Variants in DDX46 observed in about 807,000 individuals in gnomAD.
DDX46 encodes probable ATP-dependent RNA helicase DDX46.
DDX46 carries 30 observed loss-of-function variants against 134.9 expected under a neutral mutation model. That is an observed-to-expected ratio of 0.22 (90% CI 0.17 to 0.30). DDX46 has a LOEUF of 0.30. Ranked by LOEUF, DDX46 falls within the 10% of genes least tolerant of loss-of-function variation. DDX46 has a pLI of 1.00. For synonymous variants in DDX46, 415 were observed against 404.1 expected, an observed-to-expected ratio of 1.03 and a Z score of -0.32; for missense variants, 622 against 1,248.7, an observed-to-expected ratio of 0.50 and a Z score of 7.56.
At chr5:134,760,148 G>A (rs35469563) in intron 1 of DDX46, among the ~76,000 whole-genome samples, 1,628 of 152,250 alleles carry the variant, frequency 0.011, 15 homozygotes, top group Middle Eastern at 0.054. Flanking sequence ...TAAGATGATG[G>A]CATGCCCCTG....
intron 16 of DDX46, among the ~76,000 whole-genome samples, chr5:134,809,162 A>G (rs1201990938): frequency 4.6e-5 from 7 of 152,150 alleles, no homozygotes; most frequent in Admixed American, 2.0e-4. Flanking sequence ...GGAGTCAAGA[A>G]TATTTTTTTG....
At chr5:134,774,026 G>T (rs915377922) in intron 5 of DDX46, among the ~76,000 whole-genome samples, 165 bp downstream of exon 5, 1 of 152,060 alleles carries the variant, frequency 6.6e-6, no homozygotes, top group Non-Finnish European at 1.5e-5. Context: ...AAATACATTT[G>T]CAGTGTTGTG....
chr5:134,804,476 C>T (rs866356146), intron 15 of DDX46, among the ~76,000 whole-genome samples: 6 of 152,044 alleles, frequency 3.9e-5, no homozygotes, highest in Non-Finnish European at 7.4e-5. Context: ...TTTACTCTGT[C>T]GCCCAAGGTG....
rs1755671331 is a variant in DDX46, at chr5:134,829,206, T to C, written c.*500T>C. 6.6e-6 allele frequency: 1 copy of C among 152,326 alleles called. No individual in the cohort carries two copies. The highest frequency in any genetic ancestry group is 2.4e-5 in the African/African-American group (1 of 41,572). 9.4% of individuals were successfully genotyped at this position (152,326 alleles called of 1,614,324 possible). On this transcript the variant is annotated 3_prime_UTR_variant, in exon 23 of 23. Coordinates refer to ENST00000452510, the MANE Select transcript of DDX46 (RefSeq NM_001300860.2). ...ATAATAGAAGTCTTACAAAATGGGT[T>C]GAGAGTTTTTGTTTCAATTTTTATC...
At chr5:134,772,092 G>GT (rs1399163590) in intron 4 of DDX46, among the ~76,000 whole-genome samples, 1 of 152,114 alleles carries the variant, frequency 6.6e-6, no homozygotes, top group Admixed American at 6.6e-5. Flanking sequence ...TTAGCCAGGC[G>GT]TGATGGCGCA....
At chr5:134,794,706 T>C in intron 13 of DDX46, 144 bp from the exon 14 acceptor site, 1 of 967,656 alleles carries the variant, frequency 1.0e-6, no homozygotes, top group Non-Finnish European at 1.5e-6. Flanking sequence ...TGTGTGGAGT[T>C]GTCATTTCTT....
At position 134,758,892 on chromosome 5, in the gene DDX46, G is replaced by C. The variant is rs1231132468; in HGVS notation, c.-47G>C. The C allele has an allele frequency of 2.5e-6, 4 of 1,613,682 alleles. No homozygotes were observed. Among genetic ancestry groups the C allele is most frequent in the African/African-American group, 1.3e-5 (1 of 75,040 alleles). ...CTCAGCCTCCTTGTTTGTCCGGTTCGCCTGTGCGTGGTACTCAAGGGCACC... is the reference window on the plus strand; with the variant it reads ...CTCAGCCTCCTTGTTTGTCCGGTTCCCCTGTGCGTGGTACTCAAGGGCACC... On this transcript the variant is annotated 5_prime_UTR_variant, in exon 1 of 23. Coordinates refer to ENST00000452510, the MANE Select transcript of DDX46 (RefSeq NM_001300860.2).
At chr5:134,800,740 A>G (rs1754801003) in intron 15 of DDX46, among the ~76,000 whole-genome samples, 1 of 152,168 alleles carries the variant, frequency 6.6e-6, no homozygotes, top group East Asian at 1.9e-4. Context: ...CAATGATGCC[A>G]TCTCGGCTCA....
intron 13 of DDX46, among the ~76,000 whole-genome samples, chr5:134,792,006 G>A (rs1229937378): frequency 2.0e-5 from 3 of 151,980 alleles, no homozygotes; most frequent in South Asian, 2.1e-4. Flanking sequence ...GTGAAACCCC[G>A]TTTCTACTAA....
intron 2 of DDX46, among the ~76,000 whole-genome samples, chr5:134,765,679 T>C (rs922152845): frequency 6.6e-6 from 1 of 152,056 alleles, no homozygotes; most frequent in African/African-American, 2.4e-5. Flanking sequence ...ACTACAGGTA[T>C]GAGATACCAT....
At chr5:134,814,400 T>C (rs186059308) in intron 18 of DDX46, among the ~76,000 whole-genome samples, 3 of 152,318 alleles carry the variant, frequency 2.0e-5, no homozygotes, top group Admixed American at 1.3e-4. Flanking sequence ...TATATAATTT[T>C]ATGAAAAATG....
At chr5:134,761,349 G>C (rs1043484870) in intron 1 of DDX46, among the ~76,000 whole-genome samples, 7 of 152,144 alleles carry the variant, frequency 4.6e-5, no homozygotes, top group African/African-American at 1.7e-4. Context: ...TTATTGTATC[G>C]AATGAGAGCA....
Position 134,758,793 on chromosome 5 carries a change from C to A in DDX46, c.-146C>A. On this transcript the variant is annotated 5_prime_UTR_variant, in exon 1 of 23. Coordinates refer to ENST00000452510, the MANE Select transcript of DDX46 (RefSeq NM_001300860.2). ...GCCAGCACGTCCTGTTTTCGTTGGC[C>A]GCGCTGGGATGGCCGCCACAGCTGT... is the stretch of plus-strand genomic sequence containing the variant. 2 of 1,307,076 alleles carry A rather than the reference C, an allele frequency of 1.5e-6. No individual in the cohort carries two copies. Among genetic ancestry groups the A allele is most frequent in the Non-Finnish European group, 2.1e-6 (2 of 930,760 alleles). 81.0% of individuals were successfully genotyped at this position (1,307,076 alleles called of 1,614,324 possible).
chr5:134,820,209 C>A (rs917147624), intron 21 of DDX46, among the ~76,000 whole-genome samples: 7 of 152,112 alleles, frequency 4.6e-5, no homozygotes, highest in Admixed American at 1.3e-4. Context: ...CATGAGCCAC[C>A]GCGCCCAGCC....
At chr5:134,796,346 T>C (rs1002031177) in intron 15 of DDX46, among the ~76,000 whole-genome samples, 196 bp downstream of exon 15, 3 of 152,312 alleles carry the variant, frequency 2.0e-5, no homozygotes, top group Admixed American at 2.0e-4. Flanking sequence ...AGGCATACTT[T>C]GGTTTGACCA....
chr5:134,762,380 T>C (rs1753415636), intron 1 of DDX46, among the ~76,000 whole-genome samples: 1 of 152,098 alleles, frequency 6.6e-6, no homozygotes, highest in South Asian at 2.1e-4. Flanking sequence ...ATTGAGCTGC[T>C]GCATTCCAGC....
chr5:134,806,731 T>C (rs886623187), intron 15 of DDX46, among the ~76,000 whole-genome samples: 3 of 152,214 alleles, frequency 2.0e-5, no homozygotes, highest in African/African-American at 7.2e-5. Flanking sequence ...CCAGATTTTC[T>C]GTGAAATCTT....
intron 21 of DDX46, among the ~76,000 whole-genome samples, chr5:134,819,846 T>C (rs1315437104): frequency 6.6e-6 from 1 of 152,138 alleles, no homozygotes; most frequent in African/African-American, 2.4e-5. Context: ...ATTTTGTTTT[T>C]TCTGATGTGT....
At chr5:134,760,656 G>T (rs1465843032) in intron 1 of DDX46, among the ~76,000 whole-genome samples, 2 of 152,232 alleles carry the variant, frequency 1.3e-5, no homozygotes, top group African/African-American at 4.8e-5. Context: ...AATAGTGACG[G>T]TTGGAACTCT....
Sources: allele counts gnomAD v4.1 joint callset (sites outside exome capture counted in the v4.1 genomes callset), GRCh38; gene constraint gnomAD v4.1.1; transcripts MANE v1.5; gene names NCBI Gene and HGNC (gene_info 2026-07-23, HGNC 2026-07-21).